ZDHHC14: variants seen among roughly 807,000 people sequenced by gnomAD.
ZDHHC14 encodes palmitoyltransferase ZDHHC14.
Under a neutral mutation model 47.7 loss-of-function variants are expected in ZDHHC14, and 16 were observed. That is an observed-to-expected ratio of 0.34 (90% CI 0.23 to 0.51). ZDHHC14 has a LOEUF of 0.51. Among genes scored for constraint, ZDHHC14 ranks in the 20% least tolerant of loss-of-function variants. ZDHHC14 has a pLI of 0.97. For synonymous variants in ZDHHC14, 293 were observed against 278.9 expected (o/e 1.05, Z -0.50); for missense variants, 515 against 662.5 (o/e 0.78, Z 2.44).
chr6:157,494,643 G>A (rs1403413755), intron 1 of ZDHHC14, among the ~76,000 whole-genome samples: 1 of 152,180 alleles, frequency 6.6e-6, no homozygotes, highest in Admixed American at 6.5e-5. Flanking sequence ...CACTTTGAGA[G>A]CACCCATTCT....
intron 2 of ZDHHC14, among the ~76,000 whole-genome samples, chr6:157,587,863 G>A (rs955386158): frequency 2.0e-5 from 3 of 152,180 alleles, no homozygotes; most frequent in Admixed American, 6.5e-5. Context: ...GCTCATGCCT[G>A]TAACCACTTT....
At chr6:157,654,725 A>T (rs1170175954) in intron 8 of ZDHHC14, among the ~76,000 whole-genome samples, 1 of 148,206 alleles carries the variant, frequency 6.7e-6, no homozygotes, top group Non-Finnish European at 1.5e-5. Context: ...TTTACTAATA[A>T]AGCGTTTTCT....
chr6:157,532,383 C>T (rs1562465581), intron 1 of ZDHHC14, among the ~76,000 whole-genome samples: 2 of 152,180 alleles, frequency 1.3e-5, no homozygotes, highest in Non-Finnish European at 1.5e-5. Flanking sequence ...TGAACATTGC[C>T]GGTGTTGAGG....
intron 1 of ZDHHC14, among the ~76,000 whole-genome samples, chr6:157,503,620 GAATTTTGGATTA>G: frequency 6.6e-6 from 1 of 152,176 alleles, no homozygotes; most frequent in East Asian, 1.9e-4. Context: ...TCCTCCTATT[GAATTTTGGATTA>G]ATGAATAGTG....
intron 1 of ZDHHC14, among the ~76,000 whole-genome samples, chr6:157,514,071 C>T (rs1780592388): frequency 6.6e-6 from 1 of 152,176 alleles, no homozygotes; most frequent in Non-Finnish European, 1.5e-5. Flanking sequence ...GTTTGCTTCA[C>T]CAGATTTGGC....
chr6:157,657,627 C>T (rs1042002673), intron 8 of ZDHHC14, among the ~76,000 whole-genome samples: 8 of 152,128 alleles, frequency 5.3e-5, no homozygotes, highest in African/African-American at 1.7e-4. Flanking sequence ...CATGGTCTAC[C>T]GCCTCCATAC....
intron 3 of ZDHHC14, among the ~76,000 whole-genome samples, chr6:157,618,871 C>T (rs1406253723): frequency 2.0e-5 from 3 of 152,134 alleles, no homozygotes; most frequent in Non-Finnish European, 4.4e-5. Context: ...TTAAATTATC[C>T]TCATTTCTAC....
chr6:157,433,592 AGTTGAC>A lies in ZDHHC14; in HGVS notation c.245+51327_245+51332del, dbSNP rs536110860. On this transcript the variant is annotated intron_variant, in intron 1 of 8. Transcript: ENST00000359775. ...GTTTTGTCCTGGTTACAACGGGAGG[AGTTGAC>A]TGGGTGACCCCAGGGTCTCTTTAGC... 1.4e-4 allele frequency among the ~76,000 whole-genome samples: 21 copies of A among 152,212 alleles called. No homozygotes were observed. The East Asian group carries it at 4.1e-3, about 29-fold the overall frequency.
chr6:157,647,227 A>G, intron 6 of ZDHHC14, 32 bp from the exon 7 acceptor site: 1 of 1,529,136 alleles, frequency 6.5e-7, no homozygotes, highest in Non-Finnish European at 9.1e-7. Flanking sequence ...TGTGGAAGAT[A>G]TTGCTTGTTA....
intron 2 of ZDHHC14, among the ~76,000 whole-genome samples, chr6:157,554,502 T>C (rs1286197169): frequency 6.6e-6 from 1 of 152,252 alleles, no homozygotes; most frequent in Non-Finnish European, 1.5e-5. Context: ...AGAGTACTAA[T>C]GGAAGATTTT....
intron 8 of ZDHHC14, among the ~76,000 whole-genome samples, chr6:157,666,771 A>C (rs1481831569): frequency 6.6e-6 from 1 of 152,256 alleles, no homozygotes; most frequent in Non-Finnish European, 1.5e-5. Flanking sequence ...GTATTCCTAC[A>C]TGAGCAATTT....
intron 5 of ZDHHC14, among the ~76,000 whole-genome samples, chr6:157,641,308 A>G (rs1293793052): frequency 6.6e-6 from 1 of 152,202 alleles, no homozygotes; most frequent in East Asian, 1.9e-4. Context: ...GTCGATAGGG[A>G]TGCCAAATGC....
chr6:157,659,734 T>G (rs976957150), intron 8 of ZDHHC14, among the ~76,000 whole-genome samples: 1 of 152,258 alleles, frequency 6.6e-6, no homozygotes, highest in African/African-American at 2.4e-5. Flanking sequence ...TAAGAGCAAG[T>G]GGTCTGGCAA....
At chr6:157,437,555 G>T (rs1778465771) in intron 1 of ZDHHC14, among the ~76,000 whole-genome samples, 1 of 152,166 alleles carries the variant, frequency 6.6e-6, no homozygotes, top group African/African-American at 2.4e-5. Context: ...TACAATACTT[G>T]GATCAATTCA....
chr6:157,635,138 T>G (rs79201990), intron 5 of ZDHHC14, among the ~76,000 whole-genome samples: 27,951 of 152,096 alleles, frequency 0.18, 2,808 homozygotes, highest in East Asian at 0.3. Context: ...GGATTACAGG[T>G]GCTGTGCCAC....
At chr6:157,557,843 T>C (rs1216064080) in intron 2 of ZDHHC14, among the ~76,000 whole-genome samples, 1 of 152,244 alleles carries the variant, frequency 6.6e-6, no homozygotes, top group Non-Finnish European at 1.5e-5. Flanking sequence ...GGCAGAGTAC[T>C]GGGGACTGCT....
At chr6:157,625,257 G>A (rs931785215) in intron 3 of ZDHHC14, among the ~76,000 whole-genome samples, 13 of 152,152 alleles carry the variant, frequency 8.5e-5, no homozygotes, top group African/African-American at 2.9e-4. Flanking sequence ...GTGGGGGTGA[G>A]AGAAAGGGCG....
chr6:157,668,983 T>C (rs1479614669), intron 8 of ZDHHC14, among the ~76,000 whole-genome samples: 5 of 152,134 alleles, frequency 3.3e-5, no homozygotes, highest in South Asian at 2.1e-4. Context: ...AAACAAACAA[T>C]ATGCAGAGAA....
In ZDHHC14 at chr6:157,674,930, C is replaced by T. The variant is rs1778945587; in HGVS notation, c.*1808C>T. 2 of 152,250 alleles carry T rather than the reference C, an allele frequency of 1.3e-5. No individual in the cohort carries two copies. The highest frequency in any genetic ancestry group is 1.3e-4 in the Admixed American group (2 of 15,284). The allele number at this position is 152,250 out of a possible 1,614,324, so 9.4% of individuals were successfully genotyped here. A position where few individuals can be genotyped will look rare whatever the true frequency, so the allele number is the denominator to read the frequency against. ...TCTGAACCACCTAACTACTTGTACC[C>T]ACCTGCAATGTGTAATTCATGGGGC... On this transcript the variant is annotated 3_prime_UTR_variant, in exon 9 of 9. Transcript: ENST00000359775.
Sources: allele counts gnomAD v4.1 joint callset (sites outside exome capture counted in the v4.1 genomes callset), GRCh38; gene constraint gnomAD v4.1.1; transcripts MANE v1.5; gene names NCBI Gene and HGNC (gene_info 2026-07-23, HGNC 2026-07-21).